Variants in GABRG1 observed in about 807,000 individuals in gnomAD.
GABRG1 encodes the protein gamma-aminobutyric acid type A receptor subunit gamma1.
Under a neutral mutation model 49.8 loss-of-function variants are expected in GABRG1, and 49 were observed. That is an observed-to-expected ratio of 0.98 (90% CI 0.78 to 1.25). The LOEUF is 1.25. Ranked by LOEUF, GABRG1 falls within the 50% of genes most tolerant of loss-of-function variation. GABRG1 has a pLI of 0.00. For synonymous variants in GABRG1, 232 were observed against 185.1 expected (o/e 1.25, Z -2.06); for missense variants, 552 against 552.3 (o/e 1.00, Z 0.01).
intron 1 of GABRG1, among the ~76,000 whole-genome samples, chr4:46,109,755 TA>T (rs1218537394): frequency 1.3e-5 from 2 of 151,148 alleles, no homozygotes; most frequent in Non-Finnish European, 3.0e-5. Context: ...ATTTATCCCT[TA>T]CTTTCATTGT....
intron 2 of GABRG1, 22 bp from the exon 3 acceptor site, chr4:46,084,075 A>G: frequency 2.9e-6 from 4 of 1,395,436 alleles, no homozygotes; most frequent in South Asian, 2.4e-5. Context: ...CAACAAAAAG[A>G]AAGGTCAAAG....
At chr4:46,087,751 C>A (rs1577656932) in intron 2 of GABRG1, among the ~76,000 whole-genome samples, 1 of 151,896 alleles carries the variant, frequency 6.6e-6, no homozygotes, top group African/African-American at 2.4e-5. Context: ...CAGCAGAAGT[C>A]TTTGACCCAA....
intron 1 of GABRG1, among the ~76,000 whole-genome samples, chr4:46,109,063 A>G (rs1014939077): frequency 6.6e-5 from 10 of 150,866 alleles, no homozygotes; most frequent in African/African-American, 2.4e-4. Flanking sequence ...GTGTCTCCTC[A>G]AGTTTTTAGA....
chr4:46,088,182 G>C (rs574245995), intron 2 of GABRG1, among the ~76,000 whole-genome samples: 15 of 152,010 alleles, frequency 9.9e-5, no homozygotes, highest in Non-Finnish European at 7.4e-5. Context: ...CTGGGCAGCT[G>C]TTTGTGTTCG....
At chr4:46,108,312 CA>C (rs1450511920) in intron 1 of GABRG1, among the ~76,000 whole-genome samples, 1 of 151,034 alleles carries the variant, frequency 6.6e-6, no homozygotes, top group Non-Finnish European at 1.5e-5. Flanking sequence ...CACACACATT[CA>C]GTTTATATGT....
intron 2 of GABRG1, among the ~76,000 whole-genome samples, chr4:46,086,427 A>G (rs1208077411): frequency 6.6e-6 from 1 of 151,540 alleles, no homozygotes; most frequent in Non-Finnish European, 1.5e-5. Flanking sequence ...TTTATAATTG[A>G]TTTTAACCAT....
chr4:46,087,657 C>A (rs1257351343), intron 2 of GABRG1, among the ~76,000 whole-genome samples: 1 of 151,616 alleles, frequency 6.6e-6, no homozygotes, highest in East Asian at 1.9e-4. Context: ...ATAAACATGT[C>A]CCAAGAAGGA....
At chr4:46,117,433 C>T (rs543273564) in intron 1 of GABRG1, among the ~76,000 whole-genome samples, 1 of 149,738 alleles carries the variant, frequency 6.7e-6, no homozygotes, top group Non-Finnish European at 1.5e-5. Flanking sequence ...TATTTTAATG[C>T]CACATCTTAC....
intron 3 of GABRG1, among the ~76,000 whole-genome samples, chr4:46,081,640 A>T (rs1216393293): frequency 6.6e-6 from 1 of 151,862 alleles, no homozygotes; most frequent in Non-Finnish European, 1.5e-5. Flanking sequence ...AATAAAATGA[A>T]GAGGAAAATC....
At chr4:46,104,025 C>T (rs949749682) in intron 1 of GABRG1, among the ~76,000 whole-genome samples, 1 of 151,272 alleles carries the variant, frequency 6.6e-6, no homozygotes, top group Non-Finnish European at 1.5e-5. Context: ...GTTTAGATAT[C>T]TTCATGTCCT....
chr4:46,118,024 A>G lies in GABRG1; in HGVS notation c.104+5786T>C, dbSNP rs191180163. Among the ~76,000 whole-genome samples, 253 of 128,964 alleles carry G rather than the reference A, an allele frequency of 2.0e-3. 19 individuals are homozygous for G. The highest frequency in any genetic ancestry group is 5.2e-3 in the Middle Eastern group (1 of 192). The allele number at this position is 128,964 out of a possible 152,430, so 84.6% of individuals were successfully genotyped here. A position where few individuals can be genotyped will look rare whatever the true frequency, so the allele number is the denominator to read the frequency against. ...TATACATATGTATACATGTGTATCT[A>G]TATACATATATACATATGTATACAT... On this transcript the variant is annotated intron_variant, in intron 1 of 8. Coordinates refer to ENST00000295452, the MANE Select transcript of GABRG1 (RefSeq NM_173536.4).
chr4:46,066,152 A>G (rs1217972194), intron 3 of GABRG1, among the ~76,000 whole-genome samples: 1 of 152,162 alleles, frequency 6.6e-6, no homozygotes, highest in Non-Finnish European at 1.5e-5. Context: ...TGTAGTATGT[A>G]GGATGTACTC....
chr4:46,109,591 C>T (rs1439709139), intron 1 of GABRG1, among the ~76,000 whole-genome samples: 2 of 150,702 alleles, frequency 1.3e-5, no homozygotes, highest in Admixed American at 6.7e-5. Flanking sequence ...TCTAGTTTCC[C>T]CAGGTGCGAT....
rs1239189911 is a variant in GABRG1 at position 46,036,580 on chromosome 4, C to T, written c.*4408G>A. 3 of 151,966 alleles carry T rather than the reference C, an allele frequency of 2.0e-5. No homozygotes were observed. The highest frequency in any genetic ancestry group is 7.2e-5 in the African/African-American group (3 of 41,426). The allele number at this position is 151,966 out of a possible 1,614,324, so 9.4% of individuals were successfully genotyped here. A position where few individuals can be genotyped will look rare whatever the true frequency, so the allele number is the denominator to read the frequency against. On this transcript the variant is annotated 3_prime_UTR_variant, in exon 9 of 9. Coordinates refer to ENST00000295452, the MANE Select transcript of GABRG1 (RefSeq NM_173536.4). ...ACTACAGGATCCCTTCCACCCAACA[C>T]ACCATGTCTCTCAGTTATGTTGTCT...
Position 46,037,283 on chromosome 4 carries a change from T to A in GABRG1, c.*3705A>T, listed in dbSNP as rs1717568374. 6.6e-6 allele frequency: 1 copy of A among 151,906 alleles called. No individual in the cohort carries two copies. The highest frequency in any genetic ancestry group is 2.4e-5 in the African/African-American group (1 of 41,408). The allele number at this position is 151,906 out of a possible 1,614,324, so 9.4% of individuals were successfully genotyped here. A position where few individuals can be genotyped will look rare whatever the true frequency, so the allele number is the denominator to read the frequency against. On this transcript the variant is annotated 3_prime_UTR_variant, in exon 9 of 9. Transcript: ENST00000295452. Reference sequence around the variant, plus strand: ...AAACACAAAAAGTCAGAGCTGACCTTACATTAACTAGAGCAATGTGGTCAA... The same window carrying A: ...AAACACAAAAAGTCAGAGCTGACCTAACATTAACTAGAGCAATGTGGTCAA...
At chr4:46,057,973 T>G (rs932543708) in intron 7 of GABRG1, among the ~76,000 whole-genome samples, 2 of 152,246 alleles carry the variant, frequency 1.3e-5, no homozygotes, top group African/African-American at 4.8e-5. Flanking sequence ...TATGCTTCCC[T>G]TGGTCTTCAT....
At chr4:46,087,909 G>A (rs1719840413) in intron 2 of GABRG1, among the ~76,000 whole-genome samples, 1 of 151,892 alleles carries the variant, frequency 6.6e-6, no homozygotes, top group African/African-American at 2.4e-5. Flanking sequence ...GATTCTTAAG[G>A]CTGAGCTGTC....
intron 4 of GABRG1, 68 bp from the exon 5 acceptor site, chr4:46,064,591 C>A (rs1056551873): frequency 4.3e-5 from 31 of 718,698 alleles, no homozygotes; most frequent in Non-Finnish European, 6.4e-5. Context: ...TCTCCTGTCT[C>A]ATTTTAAAAC....
At chr4:46,093,083 A>AAT (rs1720044699) in intron 2 of GABRG1, among the ~76,000 whole-genome samples, 1 of 151,470 alleles carries the variant, frequency 6.6e-6, no homozygotes, top group African/African-American at 2.4e-5. Flanking sequence ...AAAAAAAAAA[A>AAT]AAAAGTCAAA....
Sources: allele counts gnomAD v4.1 joint callset (sites outside exome capture counted in the v4.1 genomes callset), GRCh38; gene constraint gnomAD v4.1.1; transcripts MANE v1.5; gene names NCBI Gene and HGNC (gene_info 2026-07-23, HGNC 2026-07-21).